The following GABBR2 variants were observed in gnomAD, a reference collection of about 807,000 sequenced individuals.
GABBR2 encodes G-protein coupled receptor 51.
A neutral mutation model predicts 105.6 loss-of-function variants in GABBR2; 23 were observed. That is an observed-to-expected ratio of 0.22 (90% confidence interval 0.16 to 0.31). The LOEUF is 0.31. Among genes scored for constraint, GABBR2 ranks in the 10% least tolerant of loss-of-function variants. The pLI is 1.00. For synonymous variants in GABBR2, 478 were observed against 499.7 expected (o/e 0.96, Z 0.58); for missense variants, 734 against 1,245.5 (o/e 0.59, Z 6.18).
At chr9:98,316,120 G>T (rs961257592) in intron 13 of GABBR2, among the ~76,000 whole-genome samples, 4 of 151,542 alleles carry the variant, frequency 2.6e-5, no homozygotes, top group African/African-American at 7.3e-5. Flanking sequence ...TGTTTTTCTT[G>T]CTCTGGATAG....
chr9:98,427,002 C>T (rs1246350502), intron 7 of GABBR2, among the ~76,000 whole-genome samples: 14 of 151,834 alleles, frequency 9.2e-5, no homozygotes, highest in Non-Finnish European at 1.9e-4. Context: ...GAATCTGTCT[C>T]GAAAACAAAC....
At chr9:98,426,766 C>T (rs919020276) in intron 7 of GABBR2, among the ~76,000 whole-genome samples, 3 of 152,070 alleles carry the variant, frequency 2.0e-5, no homozygotes, top group Admixed American at 1.3e-4. Flanking sequence ...GGAGGGAGGC[C>T]GAGGTGGGCA....
chr9:98,293,942 C>T (rs550393544), intron 17 of GABBR2, 40 bp from the exon 18 acceptor site: 1 of 1,233,250 alleles, frequency 8.1e-7, no homozygotes, highest in East Asian at 2.3e-5. Flanking sequence ...GTTCGGTTAA[C>T]TTAGTTTTTA....
intron 11 of GABBR2, among the ~76,000 whole-genome samples, chr9:98,378,230 G>A (rs1831911540): frequency 6.6e-6 from 1 of 152,160 alleles, no homozygotes; most frequent in Non-Finnish European, 1.5e-5. Context: ...ACCTCTAGGA[G>A]GGCAGGAAGA....
chr9:98,293,443 G>T (rs1830332328), intron 18 of GABBR2, among the ~76,000 whole-genome samples: 1 of 152,120 alleles, frequency 6.6e-6, no homozygotes, highest in Admixed American at 6.6e-5. Flanking sequence ...CATACAGGAG[G>T]TCTCAGTAAA....
intron 2 of GABBR2, among the ~76,000 whole-genome samples, chr9:98,559,150 G>A (rs969262025): frequency 2.7e-5 from 4 of 150,250 alleles, no homozygotes; most frequent in Non-Finnish European, 5.9e-5. Flanking sequence ...TATTTATTGA[G>A]ACAGGGTCTC....
At position 98,303,335 on chromosome 9, in the gene GABBR2, G is replaced by C. The variant is rs138346207; in HGVS notation, c.2318C>G (p.Thr773Arg). The change falls in exon 16 of 19, where the codon ACG becomes AGG. Residue 773 changes from threonine to arginine, a missense_variant. This residue lies in a region of GABBR2 where 91 missense variants were observed against 185.9 expected (regional missense o/e 0.49). Transcript: ENST00000259455. The part of the protein sequence containing the change: ...TQNQKKEDSK[T>R]STSVTSVNQA... ...GTTCACACTGGTGACCGAGGTGGAC[G>C]TTTTAGAATCTTCTTTCTTCTGATT... The C allele has an allele frequency of 6.2e-7, 1 of 1,613,888 alleles. No individual in the cohort carries two copies. The highest frequency in any genetic ancestry group is 8.5e-7 in the Non-Finnish European group (1 of 1,179,832).
Position 98,378,017 on chromosome 9 carries a change from C to T in GABBR2, c.1663-6446G>A, listed in dbSNP as rs911679375. Among the ~76,000 whole-genome samples the T allele has an allele frequency of 6.6e-5, 10 of 152,158 alleles. 1 individual carries two copies. Among genetic ancestry groups the T allele is most frequent in the Admixed American group, 6.5e-4 (10 of 15,286 alleles). ...ATGACAGCCACCTGCAGAAACAGCC[C>T]CAAACCCACATTATTACATTGTTTT... On this transcript the variant is annotated intron_variant, in intron 11 of 18. Transcript: ENST00000259455.
In GABBR2 at chr9:98,427,297, C is replaced by T. The variant is rs866638021; in HGVS notation, c.1237-21156G>A. Among the ~76,000 whole-genome samples the T allele has an allele frequency of 2.6e-5, 4 of 152,148 alleles. No individual in the cohort carries two copies. In the East Asian group the frequency reaches 7.7e-4, roughly 29 times the overall value. On this transcript the variant is annotated intron_variant, in intron 7 of 18. Transcript: ENST00000259455. ...CCCACCTCTGGCCTGGGCTTGGGGG[C>T]GTCCTCATTCCCATTTACTATGGCT...
chr9:98,408,938 C>A (rs1832536394), intron 7 of GABBR2, among the ~76,000 whole-genome samples: 1 of 152,182 alleles, frequency 6.6e-6, no homozygotes, highest in Non-Finnish European at 1.5e-5. Flanking sequence ...ATCATTACAC[C>A]CAGGTAATTT....
intron 6 of GABBR2, among the ~76,000 whole-genome samples, chr9:98,458,468 C>G (rs1264479775): frequency 6.6e-6 from 1 of 152,176 alleles, no homozygotes; most frequent in Non-Finnish European, 1.5e-5. Context: ...CTTTGGGAGG[C>G]CGAGGCAGGT....
intron 2 of GABBR2, among the ~76,000 whole-genome samples, chr9:98,561,293 T>C (rs1439947505): frequency 5.4e-5 from 4 of 74,554 alleles, no homozygotes; most frequent in African/African-American, 8.8e-5. Context: ...CTCATTCCAC[T>C]GAAAAAAAAA....
intron 2 of GABBR2, among the ~76,000 whole-genome samples, chr9:98,562,356 A>G (rs992528884): frequency 6.6e-6 from 1 of 152,252 alleles, no homozygotes; most frequent in African/African-American, 2.4e-5. Context: ...CTTGTGTCCA[A>G]ATAAATTCCA....
At position 98,574,607 on chromosome 9, in the gene GABBR2, T is replaced by C. The variant is rs190117681; in HGVS notation, c.459+3328A>G. Among the ~76,000 whole-genome samples, 8 of 152,354 alleles carry C rather than the reference T, an allele frequency of 5.3e-5. No individual in the cohort carries two copies. The East Asian group carries it at 1.3e-3, about 26-fold the overall frequency. On this transcript the variant is annotated intron_variant, in intron 2 of 18. Coordinates refer to ENST00000259455, the MANE Select transcript of GABBR2 (RefSeq NM_005458.8). ...AATGAAATAATACATAATATTGCTG[T>C]TTTAAGACACTAAATTTGGGGGGAT...
chr9:98,545,482 T>C (rs941741951), intron 2 of GABBR2, among the ~76,000 whole-genome samples: 14 of 152,148 alleles, frequency 9.2e-5, no homozygotes, highest in African/African-American at 3.4e-4. Flanking sequence ...TGAGAAATCA[T>C]CTAGCTCTGG....
At chr9:98,663,520 C>G (rs1364077163) in intron 1 of GABBR2, among the ~76,000 whole-genome samples, 14 of 151,998 alleles carry the variant, frequency 9.2e-5, no homozygotes, top group Non-Finnish European at 1.9e-4. Context: ...CCACAGAGAT[C>G]TAGGAAGACG....
At chr9:98,309,574 A>T (rs1830605236) in intron 14 of GABBR2, among the ~76,000 whole-genome samples, 2 of 152,220 alleles carry the variant, frequency 1.3e-5, no homozygotes, top group Non-Finnish European at 2.9e-5. Flanking sequence ...GCCTTCCAGC[A>T]ACTTTGCTTG....
chr9:98,491,048 C>T (rs1450788457), intron 4 of GABBR2, among the ~76,000 whole-genome samples: 3 of 151,770 alleles, frequency 2.0e-5, no homozygotes, highest in Non-Finnish European at 4.4e-5. Flanking sequence ...AGATGTTATG[C>T]CTCCCAATGC....
intron 3 of GABBR2, among the ~76,000 whole-genome samples, chr9:98,496,997 G>T (rs1022572642): frequency 3.3e-5 from 5 of 152,242 alleles, no homozygotes; most frequent in African/African-American, 1.2e-4. Flanking sequence ...GTAACTATGT[G>T]TCTACTGACA....
Sources: allele counts gnomAD v4.1 joint callset (sites outside exome capture counted in the v4.1 genomes callset), GRCh38; gene constraint gnomAD v4.1.1; regional missense constraint gnomAD v4.1.1; transcripts MANE v1.5; gene names NCBI Gene and HGNC (gene_info 2026-07-23, HGNC 2026-07-21).